FCHSD2: variants seen among roughly 807,000 people sequenced by gnomAD.
FCHSD2 encodes the protein F-BAR and double SH3 domains protein 2.
In FCHSD2, 38 loss-of-function variants were observed where a neutral mutation model predicts 108.1. The observed-to-expected ratio is 0.35, with a 90% confidence interval of 0.27 to 0.46. The LOEUF (loss-of-function observed/expected upper bound fraction) is 0.46. Ranked by LOEUF, FCHSD2 falls within the 20% of genes least tolerant of loss-of-function variation. FCHSD2 has a pLI of 1.00. For synonymous variants in FCHSD2, 279 were observed against 314.7 expected (o/e 0.89, Z 1.20); for missense variants, 751 against 897.8 (o/e 0.84, Z 2.09).
intron 13 of FCHSD2, among the ~76,000 whole-genome samples, chr11:72,855,872 G>A (rs1200252018): frequency 6.6e-6 from 1 of 152,122 alleles, no homozygotes; most frequent in Non-Finnish European, 1.5e-5. Context: ...TGACTGACTT[G>A]CTTTTTATAT....
chr11:72,943,024 T>G (rs775873121), intron 8 of FCHSD2, among the ~76,000 whole-genome samples: 3 of 152,088 alleles, frequency 2.0e-5, no homozygotes, highest in Non-Finnish European at 4.4e-5. Flanking sequence ...AGAGTTTTGC[T>G]CTTGTTGCTC....
At chr11:72,987,908 G>T (rs1027384092) in intron 6 of FCHSD2, among the ~76,000 whole-genome samples, 11 of 152,050 alleles carry the variant, frequency 7.2e-5, no homozygotes, top group Admixed American at 7.2e-4. Context: ...AAAAGTACAG[G>T]AAATATTTGT....
At chr11:72,954,073 C>T (rs61628747) in intron 8 of FCHSD2, among the ~76,000 whole-genome samples, 2,230 of 151,658 alleles carry the variant, frequency 0.015, 54 homozygotes, top group African/African-American at 0.051. Context: ...TTGGCTATTA[C>T]GCAGAGAATA....
rs373756132 is a variant in FCHSD2, at chr11:73,118,725, C to T, written c.119+21306G>A. Among the ~76,000 whole-genome samples, 9 of 152,248 alleles carry T rather than the reference C, an allele frequency of 5.9e-5. No individual in the cohort carries two copies. The South Asian group carries it at 1.0e-3, about 18-fold the overall frequency. ...TATGATGATACTATAATGATGATGG[C>T]AAACACTAACTGAGCCCTTACCACG... On this transcript the variant is annotated intron_variant, in intron 2 of 19. Transcript: ENST00000409418.
At chr11:73,010,624 C>A (rs1000172432) in intron 4 of FCHSD2, among the ~76,000 whole-genome samples, 7 of 152,202 alleles carry the variant, frequency 4.6e-5, no homozygotes, top group Non-Finnish European at 7.3e-5. Context: ...TGCAGTGGTA[C>A]GGTATCTGTA....
intron 12 of FCHSD2, among the ~76,000 whole-genome samples, chr11:72,877,924 T>C (rs1181838550): frequency 1.3e-5 from 2 of 152,124 alleles, no homozygotes; most frequent in Admixed American, 1.3e-4. Flanking sequence ...GAGGATTGCT[T>C]AAACCTGGGA....
chr11:72,899,693 G>A (rs532111771), intron 10 of FCHSD2, among the ~76,000 whole-genome samples: 1 of 122,568 alleles, frequency 8.2e-6, no homozygotes, highest in East Asian at 2.7e-4. Flanking sequence ...CCGTGATTAT[G>A]CCATTGCACT....
chr11:73,051,738 CA>C (rs1211546842), intron 3 of FCHSD2, among the ~76,000 whole-genome samples: 1 of 151,722 alleles, frequency 6.6e-6, no homozygotes, highest in African/African-American at 2.4e-5. Context: ...TTCAAAACAA[CA>C]AAAAAAATTT....
At chr11:72,949,594 C>T (rs1856585568) in intron 8 of FCHSD2, among the ~76,000 whole-genome samples, 1 of 152,232 alleles carries the variant, frequency 6.6e-6, no homozygotes, top group South Asian at 2.1e-4. Flanking sequence ...CTGGATTTGC[C>T]TATTCTGGAC....
At chr11:72,839,723 T>C (rs1860850701) in intron 19 of FCHSD2, among the ~76,000 whole-genome samples, 1 of 152,152 alleles carries the variant, frequency 6.6e-6, no homozygotes, top group South Asian at 2.1e-4. Flanking sequence ...TGCTGAGTTT[T>C]GGGGATCTGG....
At chr11:72,929,985 G>A (rs1856155665) in intron 8 of FCHSD2, among the ~76,000 whole-genome samples, 1 of 152,150 alleles carries the variant, frequency 6.6e-6, no homozygotes, top group African/African-American at 2.4e-5. Flanking sequence ...AAGAGGGAAA[G>A]CACCAAAGAA....
chr11:73,121,700 T>G (rs936044056), intron 2 of FCHSD2, among the ~76,000 whole-genome samples: 3 of 149,604 alleles, frequency 2.0e-5, no homozygotes, highest in Admixed American at 6.6e-5. Context: ...TAAGGTAAGG[T>G]AAGTAAACAA....
chr11:72,940,842 C>T, intron 8 of FCHSD2: 1 of 910,204 alleles, frequency 1.1e-6, no homozygotes, highest in Middle Eastern at 3.3e-4. Context: ...CTCTTAGAGT[C>T]CTGAATTCTT....
chr11:73,001,059 T>C lies in FCHSD2; in HGVS notation c.318A>G (p.Glu106=). The stretch of plus-strand genomic sequence containing the variant: ...GCTCAGAAATGAAGTTTTTATAGTT[T>C]TCACATATATTCATCCGAGACTGGG... ...QVAQSRMNIC[E]NYKNFISEPA... The change falls in exon 5 of 20, where the codon GAA becomes GAG. Residue 106 remains glutamate, a synonymous_variant. Coordinates refer to ENST00000409418, the MANE Select transcript of FCHSD2 (RefSeq NM_014824.3). 1.2e-6 allele frequency: 2 copies of C among 1,612,998 alleles called. No individual in the cohort carries two copies. Among genetic ancestry groups the C allele is most frequent in the African/African-American group, 1.3e-5 (1 of 75,030 alleles).
At chr11:73,031,690 A>AAT (rs1242401067) in intron 3 of FCHSD2, among the ~76,000 whole-genome samples, 2 of 152,206 alleles carry the variant, frequency 1.3e-5, no homozygotes, top group Admixed American at 6.5e-5. Flanking sequence ...CCAGGAATCC[A>AAT]ACCCAAGCCT....
At chr11:72,955,211 T>C (rs1270054634) in intron 8 of FCHSD2, among the ~76,000 whole-genome samples, 2 of 152,234 alleles carry the variant, frequency 1.3e-5, no homozygotes, top group Non-Finnish European at 2.9e-5. Context: ...GGCGTTCCTA[T>C]GACACCTTTC....
At chr11:73,133,113 T>C (rs903911250) in intron 2 of FCHSD2, among the ~76,000 whole-genome samples, 1 of 151,948 alleles carries the variant, frequency 6.6e-6, no homozygotes, top group Non-Finnish European at 1.5e-5. Flanking sequence ...AGACAGACAA[T>C]AACATGCACT....
chr11:73,008,087 G>A (rs910083257), intron 4 of FCHSD2, among the ~76,000 whole-genome samples: 9 of 152,122 alleles, frequency 5.9e-5, no homozygotes, highest in African/African-American at 2.2e-4. Context: ...CCTCACGCCT[G>A]TAGCACTTTG....
At chr11:72,923,446 C>T (rs1026135972) in intron 8 of FCHSD2, among the ~76,000 whole-genome samples, 47 of 152,250 alleles carry the variant, frequency 3.1e-4, no homozygotes, top group African/African-American at 1.1e-3. Flanking sequence ...TCTCCACACC[C>T]TTGCCAACAC....
Sources: gnomAD v4.1 joint callset for allele counts (sites outside exome capture counted in the v4.1 genomes callset) on GRCh38, gnomAD v4.1.1 for gene constraint, MANE v1.5 for transcripts, NCBI Gene and HGNC (gene_info 2026-07-23, HGNC 2026-07-21) for gene names.